The following SAMMSON variants were observed in gnomAD, a reference collection of about 807,000 sequenced individuals.
SAMMSON encodes long intergenic non-protein coding RNA 1212.
At chr3:70,137,419 G>A (rs2106678380) in intron 4 of SAMMSON, among the ~76,000 whole-genome samples, 1 of 152,274 alleles carries the variant, frequency 6.6e-6, no homozygotes, top group South Asian at 2.1e-4. Context: ...GGGAAAATTA[G>A]AAGAATAGTA....
intron 4 of SAMMSON, among the ~76,000 whole-genome samples, chr3:70,153,667 T>G (rs1371069202): frequency 2.0e-5 from 3 of 152,030 alleles, no homozygotes; most frequent in African/African-American, 4.8e-5. Context: ...ATTTTTGCGA[T>G]TTTTAAAAAA....
At chr3:70,300,255 A>G (rs1206283562) in intron 7 of SAMMSON, among the ~76,000 whole-genome samples, 1 of 152,148 alleles carries the variant, frequency 6.6e-6, no homozygotes, top group African/African-American at 2.4e-5. Context: ...TGAGTAAACA[A>G]CAATCTAATA....
At chr3:70,361,802 A>G (rs1170348268) in intron 9 of SAMMSON, among the ~76,000 whole-genome samples, 3 of 152,212 alleles carry the variant, frequency 2.0e-5, no homozygotes, top group Non-Finnish European at 4.4e-5. Flanking sequence ...TGCAGGCAAC[A>G]TCATTCTTTT....
intron 4 of SAMMSON, among the ~76,000 whole-genome samples, chr3:70,201,685 A>G (rs1056373192): frequency 2.0e-5 from 3 of 152,150 alleles, no homozygotes; most frequent in African/African-American, 7.2e-5. Context: ...TAGGAATCCA[A>G]CCTGCCTTCC....
intron 7 of SAMMSON, among the ~76,000 whole-genome samples, chr3:70,318,245 T>C (rs1702508927): frequency 6.6e-6 from 1 of 152,022 alleles, no homozygotes; most frequent in Non-Finnish European, 1.5e-5. Context: ...AGGATTCCAA[T>C]TACACATATA....
At chr3:70,314,305 G>A (rs758088010) in intron 7 of SAMMSON, among the ~76,000 whole-genome samples, 2 of 152,104 alleles carry the variant, frequency 1.3e-5, no homozygotes, top group Non-Finnish European at 2.9e-5. Context: ...ACTGATGACA[G>A]TATTTTCCTT....
intron 3 of SAMMSON, among the ~76,000 whole-genome samples, chr3:70,064,479 A>G (rs2067202047): frequency 6.6e-6 from 1 of 152,158 alleles, no homozygotes; most frequent in Admixed American, 6.5e-5. Flanking sequence ...GGAGAAAGTG[A>G]TGCCAGTTCA....
chr3:70,356,579 T>C (rs144321507), intron 8 of SAMMSON, among the ~76,000 whole-genome samples: 25 of 152,306 alleles, frequency 1.6e-4, no homozygotes, highest in African/African-American at 6.0e-4. Context: ...CTCCTTTCTC[T>C]GGTCTTCCAT....
intron 6 of SAMMSON, among the ~76,000 whole-genome samples, chr3:70,255,552 C>G (rs1701808312): frequency 6.6e-6 from 1 of 152,042 alleles, no homozygotes; most frequent in Non-Finnish European, 1.5e-5. Context: ...CCTGCAGCCT[C>G]AGTCCTCCTG....
At chr3:70,293,239 T>A (rs1702256087) in intron 7 of SAMMSON, among the ~76,000 whole-genome samples, 1 of 151,958 alleles carries the variant, frequency 6.6e-6, no homozygotes, top group East Asian at 1.9e-4. Flanking sequence ...AGAATAATGT[T>A]CTTAAATGCA....
intron 4 of SAMMSON, among the ~76,000 whole-genome samples, chr3:70,168,654 T>A (rs1297787184): frequency 1.3e-5 from 2 of 152,036 alleles, no homozygotes; most frequent in African/African-American, 2.4e-5. Context: ...TCAGCACTAA[T>A]GTTTCCATAT....
chr3:70,187,746 C>G (rs1224412258), intron 4 of SAMMSON, among the ~76,000 whole-genome samples: 1 of 152,100 alleles, frequency 6.6e-6, no homozygotes, highest in South Asian at 2.1e-4. Context: ...GGGACCAACT[C>G]TTTCTCAGGC....
intron 1 of SAMMSON, among the ~76,000 whole-genome samples, chr3:70,006,230 T>A (rs887395029): frequency 1.3e-5 from 2 of 152,174 alleles, no homozygotes; most frequent in African/African-American, 4.8e-5. Context: ...TCTTATCAGT[T>A]TGCGTAATAA....
intron 4 of SAMMSON, among the ~76,000 whole-genome samples, chr3:70,234,732 T>C (rs186561069): frequency 6.6e-6 from 1 of 152,332 alleles, no homozygotes; most frequent in Admixed American, 6.5e-5. Context: ...TTGAAATCTT[T>C]GTGATCTACT....
chr3:70,036,419 T>G (rs573293502), intron 3 of SAMMSON, among the ~76,000 whole-genome samples: 1 of 152,168 alleles, frequency 6.6e-6, no homozygotes, highest in African/African-American at 2.4e-5. Flanking sequence ...AAGGGATTGA[T>G]ATCACTCTCA....
At chr3:70,407,195 C>T (rs1041528359) in intron 2 of SAMMSON, among the ~76,000 whole-genome samples, 3 of 152,142 alleles carry the variant, frequency 2.0e-5, no homozygotes, top group Non-Finnish European at 2.9e-5. Flanking sequence ...TATGGGAGTA[C>T]AATTCAAGAT....
intron 4 of SAMMSON, among the ~76,000 whole-genome samples, chr3:70,231,892 T>C (rs1210373274): frequency 6.6e-6 from 1 of 152,214 alleles, no homozygotes; most frequent in Non-Finnish European, 1.5e-5. Context: ...TGTGTGCATG[T>C]GTGTCTGTTT....
intron 6 of SAMMSON, among the ~76,000 whole-genome samples, chr3:70,265,886 T>G (rs2106665941): frequency 6.6e-6 from 1 of 152,214 alleles, no homozygotes; most frequent in African/African-American, 2.4e-5. Context: ...TGAGACTCAC[T>G]CCCTGTCACG....
rs986145663 is a variant in SAMMSON, at chr3:70,132,651, G to A, written n.507+61086G>A. On this transcript the variant is annotated intron_variant and non_coding_transcript_variant, in intron 4 of 9. Coordinates refer to ENST00000642114, the Ensembl canonical transcript of SAMMSON. The stretch of plus-strand genomic sequence containing the variant: ...AATAAAACTCTCCTTTCCAAATTTC[G>A]GAACCTTGGGTTGGGTGTGGTGGCT... 7.9e-5 allele frequency among the ~76,000 whole-genome samples: 12 copies of A among 151,736 alleles called. No individual in the cohort carries two copies. The East Asian group carries it at 1.6e-3, about 20-fold the overall frequency.
Sources: gnomAD v4.1 joint callset for allele counts (sites outside exome capture counted in the v4.1 genomes callset) on GRCh38, gnomAD v4.1.1 for gene constraint, MANE v1.5 for transcripts, NCBI Gene and HGNC (gene_info 2026-07-23, HGNC 2026-07-21) for gene names.